Variants in CNTNAP4 observed in about 807,000 individuals in gnomAD.
CNTNAP4 encodes the protein contactin associated protein family member 4, also known as contactin-associated protein-like 4.
A neutral mutation model predicts 148.4 loss-of-function variants in CNTNAP4; 98 were observed. The observed-to-expected ratio is 0.66, with a 90% CI of 0.56 to 0.78. CNTNAP4 has a LOEUF of 0.78. Ranked by LOEUF, CNTNAP4 falls within the 30% of genes least tolerant of loss-of-function variation. CNTNAP4 has a pLI of 0.00. For missense variants in CNTNAP4, 1,935 were observed against 1,565.6 expected, an observed-to-expected ratio of 1.24 and a Z score of -3.98; for synonymous variants, 730 against 565.1, an observed-to-expected ratio of 1.29 and a Z score of -4.14.
At chr16:76,529,699 G>A (rs192732233) in intron 17 of CNTNAP4, among the ~76,000 whole-genome samples, 1 of 152,310 alleles carries the variant, frequency 6.6e-6, no homozygotes, top group African/African-American at 2.4e-5. Flanking sequence ...ATAGTCAGAA[G>A]TAACTTGCTT....
At chr16:76,505,440 A>G (rs1399737751) in intron 15 of CNTNAP4, among the ~76,000 whole-genome samples, 1 of 97,674 alleles carries the variant, frequency 1.0e-5, no homozygotes, top group Non-Finnish European at 2.9e-5. Context: ...AACCATAGGA[A>G]CAGAAAAAGG....
intron 4 of CNTNAP4, among the ~76,000 whole-genome samples, chr16:76,442,566 G>T (rs2080086440): frequency 6.6e-6 from 1 of 152,122 alleles, no homozygotes; most frequent in Admixed American, 6.6e-5. Context: ...GGCTTTTGCA[G>T]GGTCAAAACA....
chr16:76,425,241 T>C (rs74026778), intron 3 of CNTNAP4, among the ~76,000 whole-genome samples: 4,590 of 152,258 alleles, frequency 0.03, 234 homozygotes, highest in African/African-American at 0.11. Flanking sequence ...TCTGGCCTTA[T>C]ATGTTTGAGA....
chr16:76,427,777 A>C (rs1426822008), intron 4 of CNTNAP4, among the ~76,000 whole-genome samples, 178 bp downstream of exon 4: 1 of 152,206 alleles, frequency 6.6e-6, no homozygotes, highest in Non-Finnish European at 1.5e-5. Flanking sequence ...TTCATGTTCA[A>C]CTTTAACATT....
chr16:76,459,447 C>CT (rs79772809), intron 8 of CNTNAP4, among the ~76,000 whole-genome samples: 55,606 of 151,836 alleles, frequency 0.37, 11,224 homozygotes, highest in Middle Eastern at 0.47. Flanking sequence ...CTTCAGTAAT[C>CT]TTTTTTTGCT....
intron 15 of CNTNAP4, among the ~76,000 whole-genome samples, chr16:76,516,644 C>G (rs1336885008): frequency 6.6e-6 from 1 of 152,206 alleles, no homozygotes; most frequent in African/African-American, 2.4e-5. Flanking sequence ...TAGCTGAAAG[C>G]TACGTAGGTG....
rs1442761231 is a variant in CNTNAP4, at chr16:76,558,779, G to T, written c.*96G>T. 2.1e-6 allele frequency: 2 copies of T among 934,262 alleles called. No individual in the cohort carries two copies. Among genetic ancestry groups the T allele is most frequent in the Non-Finnish European group, 3.1e-6 (2 of 636,436 alleles). 57.9% of individuals were successfully genotyped at this position (934,262 alleles called of 1,614,324 possible). ...GAATGCTCTTACACTGAATGTACAG[G>T]CAGTGGGCTTGCAGCACTGCCATCT... On this transcript the variant is annotated 3_prime_UTR_variant, in exon 24 of 24. Coordinates refer to ENST00000611870, the MANE Select transcript of CNTNAP4 (RefSeq NM_033401.5).
intron 3 of CNTNAP4, among the ~76,000 whole-genome samples, chr16:76,408,978 C>T (rs1597449306): frequency 6.6e-6 from 1 of 151,932 alleles, no homozygotes; most frequent in Non-Finnish European, 1.5e-5. Context: ...GTTTTCAAAC[C>T]TGCGGGAACA....
At chr16:76,440,025 A>T (rs2079974224) in intron 4 of CNTNAP4, among the ~76,000 whole-genome samples, 1 of 108,408 alleles carries the variant, frequency 9.2e-6, no homozygotes, top group Non-Finnish European at 1.8e-5. Context: ...CTTAGAAGTC[A>T]AAATTGGACC....
At chr16:76,517,397 C>A (rs1020735657) in intron 15 of CNTNAP4, among the ~76,000 whole-genome samples, 25 of 152,258 alleles carry the variant, frequency 1.6e-4, no homozygotes, top group Admixed American at 5.2e-4. Context: ...TTATTTCTTA[C>A]ACCTGCGTAA....
intron 1 of CNTNAP4, among the ~76,000 whole-genome samples, chr16:76,309,450 C>G (rs1269256263): frequency 6.6e-6 from 1 of 152,038 alleles, no homozygotes; most frequent in Non-Finnish European, 1.5e-5. Context: ...GAGGCCTTGG[C>G]TAGGGGAGGC....
At chr16:76,342,951 G>A (rs1184096968) in intron 2 of CNTNAP4, among the ~76,000 whole-genome samples, 5 of 152,198 alleles carry the variant, frequency 3.3e-5, no homozygotes, top group African/African-American at 1.2e-4. Context: ...CTCTCATCAC[G>A]AATGTGCATT....
At chr16:76,503,009 C>T (rs941646143) in intron 15 of CNTNAP4, among the ~76,000 whole-genome samples, 57 of 152,158 alleles carry the variant, frequency 3.7e-4, no homozygotes, top group African/African-American at 1.3e-3. Context: ...TGTCTTTTTT[C>T]AAAGCTTTCT....
chr16:76,465,947 A>G (rs976116879), intron 9 of CNTNAP4, among the ~76,000 whole-genome samples: 2 of 152,256 alleles, frequency 1.3e-5, no homozygotes, highest in Admixed American at 6.5e-5. Flanking sequence ...GAAAAATATT[A>G]TCAGTCAAAC....
intron 12 of CNTNAP4, among the ~76,000 whole-genome samples, chr16:76,483,108 T>A (rs2081897239): frequency 6.6e-6 from 1 of 152,140 alleles, no homozygotes; most frequent in Non-Finnish European, 1.5e-5. Flanking sequence ...ACTGCAAACC[T>A]GTAAATTCTA....
In CNTNAP4 at chr16:76,558,741, TC is replaced by T. The variant is rs2085299605; in HGVS notation, c.*59del. ...AGTTTGTTTTAATAGCCAGGGGTTC[TC>T]AATGGAAAAACGAATGCTCTTACAC... is the stretch of plus-strand genomic sequence containing the variant. On this transcript the variant is annotated 3_prime_UTR_variant, in exon 24 of 24. Transcript: ENST00000611870. 2.3e-6 allele frequency: 3 copies of T among 1,310,820 alleles called. No individual in the cohort carries two copies. In the South Asian group the frequency reaches 4.3e-5, roughly 19 times the overall value. 81.2% of individuals were successfully genotyped at this position (1,310,820 alleles called of 1,614,324 possible).
intron 15 of CNTNAP4, among the ~76,000 whole-genome samples, chr16:76,516,831 A>C (rs1007232574): frequency 6.6e-6 from 1 of 152,234 alleles, no homozygotes; most frequent in Admixed American, 6.5e-5. Flanking sequence ...TGGGAGGCCA[A>C]GGTGGGTGGA....
chr16:76,553,409 C>G lies in CNTNAP4; in HGVS notation c.3569C>G (p.Pro1190Arg). 4 of 1,612,586 alleles carry G rather than the reference C, an allele frequency of 2.5e-6. No individual in the cohort carries two copies. The highest frequency in any genetic ancestry group is 1.1e-5 in the South Asian group (1 of 90,662). The change falls in exon 22 of 24, where the codon CCT (proline) becomes CGT (arginine). Residue 1190 changes from proline to arginine, a missense_variant. By Grantham distance (103) the Pro-to-Arg change is moderately radical (BLOSUM62 -2). Coordinates refer to ENST00000611870, the MANE Select transcript of CNTNAP4 (RefSeq NM_033401.5). ...GCTCTGCACCCCAGCCACCCAGACC[C>G]TGTCACTGTTACAGGACACGTGACT... Reference protein sequence around the residue: ...KAALHPSHPDPVTVTGHVTES... With the variant: ...KAALHPSHPDRVTVTGHVTES...
At chr16:76,486,348 A>G (rs917345933) in intron 12 of CNTNAP4, among the ~76,000 whole-genome samples, 3 of 152,232 alleles carry the variant, frequency 2.0e-5, no homozygotes, top group Non-Finnish European at 2.9e-5. Flanking sequence ...TTGGAAAGAT[A>G]TTACAACCAG....
Sources: allele counts gnomAD v4.1 joint callset (sites outside exome capture counted in the v4.1 genomes callset), GRCh38; gene constraint gnomAD v4.1.1; transcripts MANE v1.5; gene names NCBI Gene and HGNC (gene_info 2026-07-23, HGNC 2026-07-21).